Variants in FIGLA observed in about 807,000 individuals in gnomAD.
FIGLA encodes the protein folliculogenesis specific bHLH transcription factor, also known as factor in the germline alpha.
In FIGLA, 17 loss-of-function variants were observed where a neutral mutation model predicts 21.5. The observed-to-expected ratio is 0.79, with a 90% CI of 0.54 to 1.19. The LOEUF (loss-of-function observed/expected upper bound fraction) is 1.19. Ranked by LOEUF, FIGLA falls within the 50% of genes most tolerant of loss-of-function variation. The pLI is 0.00. For missense variants in FIGLA, 282 were observed against 285.0 expected (o/e 0.99, Z 0.08); for synonymous variants, 129 against 117.6 (o/e 1.10, Z -0.63).
intron 3 of FIGLA, among the ~76,000 whole-genome samples, chr2:70,779,065 C>T (rs1291524900): frequency 6.6e-6 from 1 of 152,186 alleles, no homozygotes; most frequent in South Asian, 2.1e-4. Context: ...GCCCCTAAAT[C>T]CCCAAAGTAT....
At chr2:70,790,312 G>A (rs1466195086) in intron 1 of FIGLA, 96 bp downstream of exon 1, 3 of 1,309,360 alleles carry the variant, frequency 2.3e-6, no homozygotes, top group Middle Eastern at 2.2e-4. Flanking sequence ...CGCCTCGAGC[G>A]GGGGTGGGCG....
intron 3 of FIGLA, among the ~76,000 whole-genome samples, chr2:70,780,952 A>G (rs1675843900): frequency 6.6e-6 from 1 of 152,142 alleles, no homozygotes; most frequent in East Asian, 1.9e-4. Flanking sequence ...TCAGGATGAG[A>G]ACGGCAGCCC....
At chr2:70,777,694 A>T (rs1675785002) in intron 3 of FIGLA, 23 bp from the exon 4 acceptor site, 1 of 1,220,018 alleles carries the variant, frequency 8.2e-7, no homozygotes, top group Non-Finnish European at 1.2e-6. Flanking sequence ...TACAAAATAC[A>T]GAAAGGGCTA....
At position 70,785,635 on chromosome 2, in the gene FIGLA, T is replaced by C. The variant is rs782313630; in HGVS notation, c.389A>G (p.Gln130Arg). 2 of 1,612,560 alleles carry C rather than the reference T, an allele frequency of 1.2e-6. No homozygotes were observed. The highest frequency in any genetic ancestry group is 1.1e-5 in the South Asian group (1 of 91,030). Reference protein sequence around the residue: ...LLEGAKDSKKQDPDEQSYSNN... With the variant: ...LLEGAKDSKKRDPDEQSYSNN... The stretch of plus-strand genomic sequence containing the variant: ...ACTATAGCTCTGCTCATCTGGGTCT[T>C]GTTTCTGGAAACCATATTTAGTTGT... Residue 130 changes from glutamine to arginine, a missense_variant, in exon 3 of 5, where the codon CAA (glutamine) becomes CGA (arginine). Coordinates refer to ENST00000332372, the MANE Select transcript of FIGLA (RefSeq NM_001004311.3).
intron 1 of FIGLA, 60 bp from the exon 2 acceptor site, chr2:70,787,861 A>G: frequency 6.5e-7 from 1 of 1,548,848 alleles, no homozygotes; most frequent in East Asian, 2.2e-5. Context: ...ACATCTCCCC[A>G]AGCTACAGAA....
At position 70,785,654 on chromosome 2, in the gene FIGLA, T is replaced by C; in HGVS notation, c.385-15A>G. 1.3e-6 allele frequency: 2 copies of C among 1,590,724 alleles called. No homozygotes were observed. Among genetic ancestry groups the C allele is most frequent in the African/African-American group, 1.3e-5 (1 of 74,408 alleles). ...GGGTCTTGTTTCTGGAAACCATATT[T>C]AGTTGTCAAACAGTATAATATGACA... On this transcript the variant is annotated splice_polypyrimidine_tract_variant and intron_variant, in intron 2 of 4. Coordinates refer to ENST00000332372, the MANE Select transcript of FIGLA (RefSeq NM_001004311.3).
intron 2 of FIGLA, among the ~76,000 whole-genome samples, chr2:70,786,470 AT>A (rs1247752306): frequency 3.0e-4 from 45 of 150,338 alleles, no homozygotes; most frequent in African/African-American, 1.1e-3. Context: ...CGCCCGGCTA[AT>A]TTTTTTGTAT....
intron 3 of FIGLA, among the ~76,000 whole-genome samples, chr2:70,780,040 C>T (rs1165814244): frequency 6.6e-6 from 1 of 152,204 alleles, no homozygotes; most frequent in Non-Finnish European, 1.5e-5. Flanking sequence ...ACACCACATG[C>T]TGTGGCTTCT....
In FIGLA at chr2:70,785,345, G is replaced by A. The variant is rs556223198; in HGVS notation, c.609+70C>T. ...TAATCATGTTTTAGCATGGAAAAATGACTCATATCTCAAAGTATACATTTT... is the reference window on the plus strand; with the variant it reads ...TAATCATGTTTTAGCATGGAAAAATAACTCATATCTCAAAGTATACATTTT... On this transcript the variant is annotated intron_variant, in intron 3 of 4. Coordinates refer to ENST00000332372, the MANE Select transcript of FIGLA (RefSeq NM_001004311.3). 5.3e-4 allele frequency: 652 copies of A among 1,225,772 alleles called. 1 individual carries two copies. Among genetic ancestry groups the A allele is most frequent in the Non-Finnish European group, 7.1e-4 (612 of 862,632 alleles). The allele number at this position is 1,225,772 out of a possible 1,614,324, so 75.9% of individuals were successfully genotyped here.
intron 3 of FIGLA, among the ~76,000 whole-genome samples, chr2:70,779,174 C>T (rs1167281329): frequency 6.6e-6 from 1 of 152,206 alleles, no homozygotes; most frequent in African/African-American, 2.4e-5. Flanking sequence ...AATCCCAACA[C>T]CTTACCAGGT....
chr2:70,781,798 C>T (rs1442479832), intron 3 of FIGLA, among the ~76,000 whole-genome samples: 1 of 152,114 alleles, frequency 6.6e-6, no homozygotes, highest in African/African-American at 2.4e-5. Flanking sequence ...GGGTTGGGAG[C>T]AGAGTGTAGG....
At chr2:70,784,069 T>C (rs1182219102) in intron 3 of FIGLA, among the ~76,000 whole-genome samples, 1 of 151,902 alleles carries the variant, frequency 6.6e-6, no homozygotes, top group African/African-American at 2.4e-5. Context: ...TCCTATGGGT[T>C]GACTGGCCAG....
intron 2 of FIGLA, among the ~76,000 whole-genome samples, chr2:70,787,201 G>T (rs1404410497): frequency 2.6e-5 from 4 of 152,216 alleles, no homozygotes; most frequent in African/African-American, 9.6e-5. Context: ...TGGCCTTAGG[G>T]AGGGTCTCTC....
chr2:70,778,969 C>T (rs912826677), intron 3 of FIGLA, among the ~76,000 whole-genome samples: 1 of 152,168 alleles, frequency 6.6e-6, no homozygotes, highest in South Asian at 2.1e-4. Context: ...CTTTAGAGTT[C>T]AGTCCCTGTT....
At chr2:70,784,864 T>C (rs1282826076) in intron 3 of FIGLA, among the ~76,000 whole-genome samples, 1 of 152,058 alleles carries the variant, frequency 6.6e-6, no homozygotes, top group Non-Finnish European at 1.5e-5. Flanking sequence ...GTCTCTTTAG[T>C]TGACAAAGTA....
rs1675935859 is a variant in FIGLA at position 70,785,509 on chromosome 2, C to T, written c.515G>A (p.Gly172Glu). The T allele has an allele frequency of 6.2e-7, 1 of 1,613,778 alleles. No individual in the cohort carries two copies. Among genetic ancestry groups the T allele is most frequent in the South Asian group, 1.1e-5 (1 of 91,074 alleles). The change falls in exon 3 of 5, where the codon GGG becomes GAG. Residue 172 changes from glycine (G) to glutamate (E), a missense_variant. Gly to Glu is a moderately conservative substitution (Grantham distance 98, BLOSUM62 -2). Coordinates refer to ENST00000332372, the MANE Select transcript of FIGLA (RefSeq NM_001004311.3). ...CAFGLKNEEE[G>E]PWADGGSGEP... ...ACCACTGCCACCATCTGCCCAAGGC[C>T]CTTCCTCTTCATTCTTCAAGCCGAA...
At chr2:70,784,945 CAAAAA>C in intron 3 of FIGLA, among the ~76,000 whole-genome samples, 2 of 139,412 alleles carry the variant, frequency 1.4e-5, no homozygotes, top group South Asian at 4.6e-4. Flanking sequence ...CCCCCCACCA[CAAAAA>C]AAAAAAAAAA....
chr2:70,777,469 T>G (rs1201009499), intron 4 of FIGLA, 87 bp from the exon 5 acceptor site: 2 of 1,338,050 alleles, frequency 1.5e-6, no homozygotes, highest in African/African-American at 1.5e-5. Context: ...AAAATTAATT[T>G]TATTAGTAAT....
intron 3 of FIGLA, among the ~76,000 whole-genome samples, chr2:70,779,429 G>A (rs1473499956): frequency 6.6e-6 from 1 of 152,200 alleles, no homozygotes; most frequent in Non-Finnish European, 1.5e-5. Context: ...GGAATGTGAG[G>A]TGGAAGACAG....
Sources: gnomAD v4.1 joint callset for allele counts (sites outside exome capture counted in the v4.1 genomes callset) on GRCh38, gnomAD v4.1.1 for gene constraint, MANE v1.5 for transcripts, NCBI Gene and HGNC (gene_info 2026-07-23, HGNC 2026-07-21) for gene names.